Variants in CELF2 observed in about 807,000 individuals in gnomAD.
The protein encoded by CELF2 is CUG triplet repeat RNA-binding protein 2.
A neutral mutation model predicts 62.6 loss-of-function variants in CELF2; 8 were observed. The observed-to-expected ratio is 0.13, with a 90% CI of 0.07 to 0.23. The LOEUF is 0.23. CELF2 is among the 10% of genes least tolerant of loss of function. CELF2 has a pLI of 1.00. For synonymous variants in CELF2, 258 were observed against 250.0 expected, an observed-to-expected ratio of 1.03 and a Z score of -0.30; for missense variants, 333 against 671.0, an observed-to-expected ratio of 0.50 and a Z score of 5.56.
At chr10:10,677,404 G>A in the CELF2 span, among the ~76,000 whole-genome samples, 2 of 152,202 alleles carry the variant, frequency 1.3e-5, no homozygotes, top group African/African-American at 4.8e-5. Context: ...AGTTCTGACT[G>A]TTGAGGTTTG....
At chr10:11,154,758 A>C (rs146963378) in intron 1 of CELF2, among the ~76,000 whole-genome samples, 117 of 152,296 alleles carry the variant, frequency 7.7e-4, no homozygotes, top group African/African-American at 2.7e-3. Flanking sequence ...GAAAGAACTA[A>C]AGTTTACTTC....
intron 1 of CELF2, among the ~76,000 whole-genome samples, chr10:10,838,865 C>T (rs1340695822): frequency 6.6e-6 from 1 of 152,116 alleles, no homozygotes; most frequent in East Asian, 1.9e-4. Flanking sequence ...ATAGGCCGGG[C>T]ACAGTGGCTC....
At chr10:11,176,524 T>C (rs565821579) in intron 2 of CELF2, among the ~76,000 whole-genome samples, 2 of 152,224 alleles carry the variant, frequency 1.3e-5, no homozygotes, top group African/African-American at 2.4e-5. Flanking sequence ...TTTTAAACTT[T>C]GCAATAGCCC....
rs930349386 is a variant in CELF2 at position 10,995,721 on chromosome 10, G to A, written c.89+75722G>A. Among the ~76,000 whole-genome samples, 1 of 152,170 alleles carries A rather than the reference G, an allele frequency of 6.6e-6. No individual in the cohort carries two copies. The highest frequency in any genetic ancestry group is 1.5e-5 in the Non-Finnish European group (1 of 68,028). ...AACTCTGGCTGAAATGTGTAGCATGGATCAGAGCCAGAGAGACTAGGGACA... is the reference window on the plus strand; with the variant it reads ...AACTCTGGCTGAAATGTGTAGCATGAATCAGAGCCAGAGAGACTAGGGACA... On this transcript the variant is annotated intron_variant, in intron 2 of 13. Transcript: ENST00000636488. The surrounding 1 kb of genome is among the most constrained non-coding windows in gnomAD (Gnocchi z 4.7).
In CELF2 at chr10:10,972,685, T is replaced by C. The variant is rs146379535; in HGVS notation, c.89+52686T>C. On this transcript the variant is annotated intron_variant, in intron 2 of 13. Coordinates refer to the CELF2 transcript ENST00000636488. The surrounding 1 kb of genome is among the most constrained non-coding windows in gnomAD (Gnocchi z 4.4). ...CACATATCCAGTTTTCTCCTCTGCCTCCTCACCTGGCTGCTCCTGGGGCAC... is the reference window on the plus strand; with the variant it reads ...CACATATCCAGTTTTCTCCTCTGCCCCCTCACCTGGCTGCTCCTGGGGCAC... 2.6e-3 allele frequency among the ~76,000 whole-genome samples: 393 copies of C among 152,282 alleles called. 1 individual carries two copies. Among genetic ancestry groups the C allele is most frequent in the African/African-American group, 8.9e-3 (369 of 41,550 alleles).
intron 2 of CELF2, among the ~76,000 whole-genome samples, chr10:11,175,205 G>C (rs1477117818): frequency 2.0e-5 from 3 of 152,096 alleles, no homozygotes; most frequent in Non-Finnish European, 4.4e-5. Context: ...GTTTTTGAAG[G>C]ATATCAAGGA....
rs11256987 is a variant in CELF2, at chr10:11,117,183, C to T, written c.75-48303C>T. ...CCTATTTTATTCCTTTATATCATCC[C>T]GCTCTACTCACATCTTTTAGGCTCA... On this transcript the variant is annotated intron_variant, in intron 1 of 12. Transcript: ENST00000633077. This position sits in a 1 kb window ranked among gnomAD's most constrained non-coding sequence, Gnocchi z 4.1. 0.049 allele frequency among the ~76,000 whole-genome samples: 7,459 copies of T among 152,220 alleles called. 214 individuals carry two copies. Among genetic ancestry groups the T allele is most frequent in the South Asian group, 0.066 (320 of 4,818 alleles).
the CELF2 span, among the ~76,000 whole-genome samples, chr10:10,660,496 C>T: frequency 6.6e-6 from 1 of 152,136 alleles, no homozygotes; most frequent in East Asian, 1.9e-4. Flanking sequence ...TCCTAGCACC[C>T]CCAGATGGAT....
At chr10:10,940,944 G>T (rs79148053) in intron 2 of CELF2, among the ~76,000 whole-genome samples, 2,061 of 152,180 alleles carry the variant, frequency 0.014, 49 homozygotes, top group African/African-American at 0.047. Context: ...ACCTCAAAAG[G>T]CCATTTCTCT....
the CELF2 span, among the ~76,000 whole-genome samples, chr10:10,647,891 G>A: frequency 9.8e-5 from 15 of 152,322 alleles, no homozygotes; most frequent in South Asian, 2.9e-3. Context: ...CCTGGGCACT[G>A]CTCTGTGAAA....
the CELF2 span, among the ~76,000 whole-genome samples, chr10:10,690,041 G>A: frequency 6.6e-6 from 1 of 152,180 alleles, no homozygotes; most frequent in African/African-American, 2.4e-5. Flanking sequence ...TGGAACATAA[G>A]CTATAATGTC....
intron 1 of CELF2, among the ~76,000 whole-genome samples, chr10:11,063,585 G>A (rs1357136176): frequency 6.6e-6 from 1 of 152,194 alleles, no homozygotes; most frequent in East Asian, 1.9e-4. Context: ...AAATGCCTTA[G>A]AATATAGTTA....
At position 11,220,244 on chromosome 10, in the gene CELF2, G is replaced by A. The variant is rs956830701; in HGVS notation, c.354+2737G>A. ...ATCAAATAATGCTAGGGTTTTTTCC[G>A]ATGTAATTTTCTTTTGCAGTTGATG... On this transcript the variant is annotated intron_variant, in intron 3 of 12. Transcript: ENST00000633077. The surrounding 1 kb of genome is among the most constrained non-coding windows in gnomAD (Gnocchi z 4.4). Among the ~76,000 whole-genome samples, 10 of 152,204 alleles carry A rather than the reference G, an allele frequency of 6.6e-5. No homozygotes were observed. Among genetic ancestry groups the A allele is most frequent in the African/African-American group, 1.7e-4 (7 of 41,522 alleles).
chr10:10,471,232 T>C, the CELF2 span, among the ~76,000 whole-genome samples: 1 of 151,822 alleles, frequency 6.6e-6, no homozygotes, highest in African/African-American at 2.4e-5. Flanking sequence ...TGATGTAGTA[T>C]TCTATTTCCA....
rs543979658 is a variant in CELF2 at position 11,159,707 on chromosome 10, C to T, written c.75-5779C>T. Among the ~76,000 whole-genome samples the T allele has an allele frequency of 1.3e-5, 2 of 152,334 alleles. No individual in the cohort carries two copies. The highest frequency in any genetic ancestry group is 6.5e-5 in the Admixed American group (1 of 15,304). ...TGAATTTCATGTCTGTCCTGTTACCCGCCGGAGGCACCAGGCCCATCGCCA... is the reference window on the plus strand; with the variant it reads ...TGAATTTCATGTCTGTCCTGTTACCTGCCGGAGGCACCAGGCCCATCGCCA... On this transcript the variant is annotated intron_variant, in intron 1 of 12. Coordinates refer to ENST00000633077, the MANE Select transcript of CELF2 (RefSeq NM_001326342.2). The surrounding 1 kb of genome is among the most constrained non-coding windows in gnomAD (Gnocchi z 5.0).
At chr10:11,078,942 A>C (rs183255586) in intron 1 of CELF2, among the ~76,000 whole-genome samples, 4 of 152,328 alleles carry the variant, frequency 2.6e-5, no homozygotes, top group Admixed American at 2.0e-4. Flanking sequence ...GTTGGACCCA[A>C]AGAGATTTGT....
chr10:11,043,975 C>T (rs1419095743), intron 1 of CELF2, among the ~76,000 whole-genome samples: 3 of 152,354 alleles, frequency 2.0e-5, no homozygotes, highest in Non-Finnish European at 4.4e-5. Context: ...TGTCCTGTGA[C>T]GCTGCCAGCA....
intron 9 of CELF2, among the ~76,000 whole-genome samples, chr10:11,293,382 T>C (rs951407919): frequency 1.3e-5 from 2 of 152,242 alleles, no homozygotes; most frequent in Admixed American, 1.3e-4. Flanking sequence ...TTCAGTAACC[T>C]ACTACTTATA....
intron 1 of CELF2, among the ~76,000 whole-genome samples, chr10:10,889,907 T>A (rs2062012986): frequency 6.6e-6 from 1 of 152,196 alleles, no homozygotes; most frequent in Non-Finnish European, 1.5e-5. Flanking sequence ...GAGTGTACAG[T>A]CTTTCCTGTG....
Sources: allele counts gnomAD v4.1 joint callset (sites outside exome capture counted in the v4.1 genomes callset), GRCh38; gene constraint gnomAD v4.1.1; non-coding constraint Gnocchi (gnomAD v3.1); transcripts MANE v1.5; gene names NCBI Gene and HGNC (gene_info 2026-07-23, HGNC 2026-07-21).